Variants in ALK observed in about 807,000 individuals in gnomAD.
ALK encodes ALK tyrosine kinase receptor.
Under a neutral mutation model 163.1 loss-of-function variants are expected in ALK, and 74 were observed. The ratio of observed to expected loss-of-function variants is 0.45; its 90% CI spans 0.38 to 0.55. The LOEUF is 0.55. Ranked by LOEUF, ALK falls within the 20% of genes least tolerant of loss-of-function variation. The pLI is 0.00. For missense variants in ALK, 2,063 were observed against 2,105.3 expected (o/e 0.98, Z 0.39); for synonymous variants, 960 against 843.2 (o/e 1.14, Z -2.40).
chr2:29,672,437 T>C (rs1239171265), intron 3 of ALK, among the ~76,000 whole-genome samples: 1 of 151,004 alleles, frequency 6.6e-6, no homozygotes, highest in African/African-American at 2.4e-5. Context: ...TTTGGTTTTT[T>C]GTTCTTGCGA....
At chr2:29,264,929 C>G (rs938486146) in intron 11 of ALK, among the ~76,000 whole-genome samples, 1 of 152,162 alleles carries the variant, frequency 6.6e-6, no homozygotes, top group African/African-American at 2.4e-5. Context: ...CACATACTCA[C>G]TCGAACACAC....
chr2:29,210,201 ACT>A (rs1221165398), intron 24 of ALK, among the ~76,000 whole-genome samples: 1 of 152,072 alleles, frequency 6.6e-6, no homozygotes, highest in Non-Finnish European at 1.5e-5. Flanking sequence ...TTCATATCTA[ACT>A]CTCACAACAA....
intron 4 of ALK, among the ~76,000 whole-genome samples, chr2:29,398,835 T>G (rs1669374271): frequency 6.6e-6 from 1 of 152,184 alleles, no homozygotes; most frequent in Non-Finnish European, 1.5e-5. Flanking sequence ...TGCTGACAGC[T>G]CAGAGCAGGT....
At chr2:29,194,302 A>C (rs895261019) in intron 28 of ALK, among the ~76,000 whole-genome samples, 1 of 152,146 alleles carries the variant, frequency 6.6e-6, no homozygotes, top group African/African-American at 2.4e-5. Flanking sequence ...AAAAATAAAA[A>C]TAAAAGCCTA....
intron 4 of ALK, among the ~76,000 whole-genome samples, chr2:29,445,283 T>C (rs1195426638): frequency 5.3e-5 from 8 of 152,202 alleles, no homozygotes; most frequent in Middle Eastern, 3.2e-3. Context: ...CCCATGGAGA[T>C]GCACGGAGAA....
chr2:29,317,348 C>T (rs546595685), intron 8 of ALK, among the ~76,000 whole-genome samples: 18 of 152,322 alleles, frequency 1.2e-4, no homozygotes, highest in Middle Eastern at 6.8e-3. Context: ...TTCTACTACA[C>T]GCAAGATGTT....
At chr2:29,534,464 G>C (rs1355494202) in intron 3 of ALK, among the ~76,000 whole-genome samples, 3 of 152,124 alleles carry the variant, frequency 2.0e-5, no homozygotes, top group African/African-American at 7.2e-5. Context: ...CTCTTTGGGG[G>C]TATGGCCTGG....
At chr2:29,485,912 C>CT (rs1170553049) in intron 4 of ALK, among the ~76,000 whole-genome samples, 12 of 152,156 alleles carry the variant, frequency 7.9e-5, no homozygotes, top group African/African-American at 2.9e-4. Context: ...CATGTGAACC[C>CT]TGGCTGCAAG....
At chr2:29,205,023 A>G (rs1669277297) in intron 26 of ALK, among the ~76,000 whole-genome samples, 1 of 152,202 alleles carries the variant, frequency 6.6e-6, no homozygotes. Context: ...GAGAACACGC[A>G]GCCCACACAG....
intron 1 of ALK, among the ~76,000 whole-genome samples, chr2:29,832,423 C>T (rs920512872): frequency 1.3e-5 from 2 of 152,028 alleles, no homozygotes; most frequent in East Asian, 1.9e-4. Flanking sequence ...AGGGGCAAAC[C>T]GATGCACAAC....
intron 11 of ALK, among the ~76,000 whole-genome samples, chr2:29,267,867 G>T (rs1665261102): frequency 6.6e-6 from 1 of 152,220 alleles, no homozygotes; most frequent in Non-Finnish European, 1.5e-5. Flanking sequence ...TAAAAAAGCA[G>T]TCTTCCCAAA....
intron 8 of ALK, among the ~76,000 whole-genome samples, chr2:29,297,958 G>A (rs368998818): frequency 2.0e-5 from 3 of 152,272 alleles, no homozygotes; most frequent in South Asian, 4.2e-4. Flanking sequence ...TGGTAAACTG[G>A]CAGTTTCGTC....
intron 4 of ALK, among the ~76,000 whole-genome samples, chr2:29,476,616 G>T (rs929286417): frequency 6.6e-6 from 1 of 152,042 alleles, no homozygotes; most frequent in Non-Finnish European, 1.5e-5. Context: ...CCTGAGACCC[G>T]GGGGAGTTTC....
chr2:29,887,361 A>G (rs1432438301), intron 1 of ALK, among the ~76,000 whole-genome samples: 1 of 152,206 alleles, frequency 6.6e-6, no homozygotes, highest in East Asian at 1.9e-4. Flanking sequence ...GGTATCTCAG[A>G]GCACTTGGAA....
At chr2:29,744,521 C>CATCT (rs1205221380) in intron 1 of ALK, among the ~76,000 whole-genome samples, 1 of 152,130 alleles carries the variant, frequency 6.6e-6, no homozygotes, top group Non-Finnish European at 1.5e-5. Context: ...GGGCTGGAAT[C>CATCT]ATCTGAAGGC....
chr2:29,488,356 A>G (rs1671826786), intron 4 of ALK, among the ~76,000 whole-genome samples: 1 of 152,154 alleles, frequency 6.6e-6, no homozygotes, highest in South Asian at 2.1e-4. Context: ...TGGTGGGGTC[A>G]TTCCCTAACC....
intron 4 of ALK, among the ~76,000 whole-genome samples, chr2:29,455,388 G>A (rs1670925663): frequency 6.6e-6 from 1 of 152,200 alleles, no homozygotes; most frequent in South Asian, 2.1e-4. Context: ...GCAAGGTGGG[G>A]CCTGTGGTCT....
chr2:29,772,784 T>C (rs1210710720), intron 1 of ALK, among the ~76,000 whole-genome samples: 3 of 152,186 alleles, frequency 2.0e-5, no homozygotes, highest in Non-Finnish European at 2.9e-5. Context: ...GATAACATGT[T>C]AGAACTTAAA....
intron 26 of ALK, among the ~76,000 whole-genome samples, chr2:29,199,098 C>T (rs894001059): frequency 6.6e-6 from 1 of 151,904 alleles, no homozygotes; most frequent in Non-Finnish European, 1.5e-5. Flanking sequence ...GGATTACAGG[C>T]GCCCACCACA....
Sources: gnomAD v4.1 joint callset for allele counts (sites outside exome capture counted in the v4.1 genomes callset) on GRCh38, gnomAD v4.1.1 for gene constraint, MANE v1.5 for transcripts, NCBI Gene and HGNC (gene_info 2026-07-23, HGNC 2026-07-21) for gene names.